The following EYS variants were observed in gnomAD, a reference collection of about 807,000 sequenced individuals.
The protein encoded by EYS is protein eyes shut homolog.
EYS carries 250 observed loss-of-function variants against 282.1 expected under a neutral mutation model. That is an observed-to-expected ratio of 0.89 (90% CI 0.80 to 0.98). The LOEUF (loss-of-function observed/expected upper bound fraction) is 0.98, where lower values mean the gene tolerates loss of function less well. EYS is among the 50% of genes least tolerant of loss of function. EYS has a pLI of 0.00. For synonymous variants in EYS, 1,355 were observed against 1,282.9 expected (o/e 1.06, Z -1.20); for missense variants, 4,016 against 3,709.0 (o/e 1.08, Z -2.15).
chr6:65,003,115 C>T lies in EYS; in HGVS notation c.2138-5412G>A, dbSNP rs548934009. ...AGAGATAACCTTGAACTCTGACCGCCGGTGAGCTGGGCAGAACAGAGCCAT... is the reference window on the plus strand; with the variant it reads ...AGAGATAACCTTGAACTCTGACCGCTGGTGAGCTGGGCAGAACAGAGCCAT... On this transcript the variant is annotated intron_variant, in intron 13 of 42. Transcript: ENST00000503581. 5.0e-4 allele frequency among the ~76,000 whole-genome samples: 74 copies of T among 147,858 alleles called. 4 individuals are homozygous for T. The highest frequency in any genetic ancestry group is 1.6e-3 in the African/African-American group (65 of 41,254).
intron 31 of EYS, among the ~76,000 whole-genome samples, chr6:64,168,394 C>A (rs1427598390): frequency 6.6e-6 from 1 of 152,140 alleles, no homozygotes; most frequent in African/African-American, 2.4e-5. Flanking sequence ...TGGGCAAATT[C>A]TTAGAAAGTT....
intron 2 of EYS, among the ~76,000 whole-genome samples, chr6:65,535,831 C>G (rs1444141347): frequency 6.6e-6 from 1 of 152,068 alleles, no homozygotes; most frequent in African/African-American, 2.4e-5. Flanking sequence ...AACACCCTCA[C>G]AGAAACACCC....
intron 7 of EYS, among the ~76,000 whole-genome samples, chr6:65,393,703 G>A (rs534332879): frequency 6.6e-6 from 1 of 151,950 alleles, no homozygotes; most frequent in Admixed American, 6.6e-5. Flanking sequence ...CATGACTGAT[G>A]TGGTGAGATT....
intron 11 of EYS, among the ~76,000 whole-genome samples, chr6:65,319,517 C>G (rs1477544606): frequency 2.0e-5 from 3 of 152,038 alleles, no homozygotes; most frequent in East Asian, 1.9e-4. Context: ...TGTCCTGATA[C>G]TTGGCCTTAC....
chr6:64,294,295 G>A (rs1352670156), intron 30 of EYS, among the ~76,000 whole-genome samples: 1 of 152,162 alleles, frequency 6.6e-6, no homozygotes, highest in Non-Finnish European at 1.5e-5. Flanking sequence ...GCATAAAGCT[G>A]ACTGCAAAGA....
At chr6:64,929,668 G>A (rs1768644709) in intron 15 of EYS, among the ~76,000 whole-genome samples, 1 of 152,040 alleles carries the variant, frequency 6.6e-6, no homozygotes, top group South Asian at 2.1e-4. Flanking sequence ...GATAAAATTT[G>A]AACTACATGA....
chr6:65,470,361 A>G (rs1043008959), intron 5 of EYS, among the ~76,000 whole-genome samples: 1 of 152,128 alleles, frequency 6.6e-6, no homozygotes, highest in African/African-American at 2.4e-5. Context: ...AATACAATGA[A>G]CACATTGCCC....
intron 2 of EYS, among the ~76,000 whole-genome samples, chr6:65,585,275 C>T (rs1020118772): frequency 1.3e-5 from 2 of 151,922 alleles, no homozygotes; most frequent in Non-Finnish European, 2.9e-5. Context: ...ATAGCTCTTT[C>T]GAATGATTAT....
intron 19 of EYS, among the ~76,000 whole-genome samples, chr6:64,833,589 A>C (rs1653632257): frequency 6.6e-6 from 1 of 151,916 alleles, no homozygotes; most frequent in Admixed American, 6.6e-5. Context: ...TTACCTCTGA[A>C]GATACATATA....
At chr6:64,559,992 A>G (rs1582894566) in intron 26 of EYS, among the ~76,000 whole-genome samples, 1 of 152,074 alleles carries the variant, frequency 6.6e-6, no homozygotes, top group Non-Finnish European at 1.5e-5. Context: ...GCTCCCACTT[A>G]TAAGTGAGAA....
At chr6:63,847,452 C>T (rs1772129242) in intron 36 of EYS, among the ~76,000 whole-genome samples, 1 of 152,058 alleles carries the variant, frequency 6.6e-6, no homozygotes, top group South Asian at 2.1e-4. Flanking sequence ...TTTGCTCTCC[C>T]TTTCTCTCTT....
chr6:64,016,275 G>A (rs1768885617), intron 33 of EYS, among the ~76,000 whole-genome samples: 1 of 152,048 alleles, frequency 6.6e-6, no homozygotes, highest in Non-Finnish European at 1.5e-5. Context: ...TTATAGACCA[G>A]GCATTATCTC....
chr6:63,720,347 T>G lies in EYS; in HGVS notation c.*249A>C, dbSNP rs542853676. On this transcript the variant is annotated 3_prime_UTR_variant, in exon 43 of 43. Coordinates refer to ENST00000503581, the MANE Select transcript of EYS (RefSeq NM_001142800.2). ...TGAATAAGCAAAGTGAATAAGCACA[T>G]TCTGTGAATAAGCACTGAACTAATG... is the stretch of plus-strand genomic sequence containing the variant. The G allele has an allele frequency of 2.4e-6, 1 of 419,388 alleles. No homozygotes were observed. Among genetic ancestry groups the G allele is most frequent in the South Asian group, 9.1e-5 (1 of 10,988 alleles). The allele number at this position is 419,388 out of a possible 1,614,324, so 26.0% of individuals were successfully genotyped here.
In EYS at chr6:63,829,424, C is replaced by A. The variant is rs183137669; in HGVS notation, c.7229-23052G>T. ...CACACCAGGAGATTATATCCCACAC[C>A]TGGATTGGAGGGTCCCACGCCCACA... On this transcript the variant is annotated intron_variant, in intron 36 of 42. Transcript: ENST00000503581. 1.2e-3 allele frequency among the ~76,000 whole-genome samples: 188 copies of A among 152,288 alleles called. 1 individual carries two copies. Among genetic ancestry groups the A allele is most frequent in the Admixed American group, 3.3e-3 (51 of 15,304 alleles).
At chr6:64,878,030 C>T (rs1436806125) in intron 19 of EYS, among the ~76,000 whole-genome samples, 1 of 151,968 alleles carries the variant, frequency 6.6e-6, no homozygotes, top group African/African-American at 2.4e-5. Flanking sequence ...GTCAGGAGTT[C>T]AAGAACAGCC....
chr6:65,208,988 C>T lies in EYS; in HGVS notation c.2023+86875G>A, dbSNP rs548127063. On this transcript the variant is annotated intron_variant, in intron 12 of 42. Coordinates refer to ENST00000503581, the MANE Select transcript of EYS (RefSeq NM_001142800.2). ...TAATTCCTCAAAAATAGGACTTAAA[C>T]ATAAAACATAAGCCCAACAGGTTGA... 6.6e-5 allele frequency among the ~76,000 whole-genome samples: 10 copies of T among 151,860 alleles called. 1 individual carries two copies. In the South Asian group the frequency reaches 2.1e-3, roughly 32 times the overall value.
intron 12 of EYS, among the ~76,000 whole-genome samples, chr6:65,275,834 G>A (rs1223843025): frequency 2.0e-5 from 3 of 152,054 alleles, no homozygotes; most frequent in Non-Finnish European, 2.9e-5. Context: ...CACAGAAGGG[G>A]CATCATTTTG....
intron 12 of EYS, among the ~76,000 whole-genome samples, chr6:65,228,823 T>A (rs1766696399): frequency 6.6e-6 from 1 of 152,038 alleles, no homozygotes; most frequent in African/African-American, 2.4e-5. Flanking sequence ...GACACACTTG[T>A]TAATGACACA....
At chr6:64,401,579 T>G (rs980959792) in intron 28 of EYS, among the ~76,000 whole-genome samples, 5 of 152,134 alleles carry the variant, frequency 3.3e-5, no homozygotes, top group Non-Finnish European at 5.9e-5. Context: ...ATGTGATTTT[T>G]GGGGCAATAT....
Sources: allele counts gnomAD v4.1 joint callset (sites outside exome capture counted in the v4.1 genomes callset), GRCh38; gene constraint gnomAD v4.1.1; transcripts MANE v1.5; gene names NCBI Gene and HGNC (gene_info 2026-07-23, HGNC 2026-07-21).